Variants in GLRA3 observed in about 807,000 individuals in gnomAD.
The protein encoded by GLRA3 is glycine receptor subunit alpha-3.
In GLRA3, 44 loss-of-function variants were observed where a neutral mutation model predicts 60.4. That is an observed-to-expected ratio of 0.73 (90% CI 0.57 to 0.94). The LOEUF is 0.94. GLRA3 is among the 40% of genes least tolerant of loss of function. The probability of loss-of-function intolerance (pLI) is 0.00; values close to 1 mark genes in which losing one functional copy is unlikely to be tolerated. For synonymous variants in GLRA3, 223 were observed against 192.9 expected (o/e 1.16, Z -1.29); for missense variants, 508 against 564.6 (o/e 0.90, Z 1.02).
intron 4 of GLRA3, among the ~76,000 whole-genome samples, chr4:174,722,386 CT>C (rs1736163798): frequency 6.6e-6 from 1 of 152,192 alleles, no homozygotes; most frequent in South Asian, 2.1e-4. Flanking sequence ...TTATACTCCT[CT>C]TAGATCTCTT....
At chr4:174,779,658 T>C (rs1192278558) in intron 2 of GLRA3, among the ~76,000 whole-genome samples, 1 of 151,804 alleles carries the variant, frequency 6.6e-6, no homozygotes, top group African/African-American at 2.4e-5. Flanking sequence ...GAGAACTACA[T>C]GAAGAATGCA....
intron 3 of GLRA3, among the ~76,000 whole-genome samples, chr4:174,746,823 G>A (rs907498533): frequency 2.6e-5 from 4 of 152,110 alleles, no homozygotes; most frequent in African/African-American, 9.7e-5. Flanking sequence ...ATACTCACAT[G>A]TACCCAATAA....
chr4:174,658,241 C>G (rs550591591), intron 8 of GLRA3, among the ~76,000 whole-genome samples: 1 of 151,556 alleles, frequency 6.6e-6, no homozygotes, highest in South Asian at 2.1e-4. Context: ...CTTTAAAAGA[C>G]CATTTGCTTT....
chr4:174,811,396 C>T (rs1740268407), intron 1 of GLRA3, among the ~76,000 whole-genome samples: 1 of 152,038 alleles, frequency 6.6e-6, no homozygotes, highest in Non-Finnish European at 1.5e-5. Context: ...AGTAATTATT[C>T]AAAATCCAGG....
chr4:174,782,463 G>T (rs1350925028), intron 2 of GLRA3, among the ~76,000 whole-genome samples: 2 of 147,962 alleles, frequency 1.4e-5, no homozygotes, highest in Non-Finnish European at 3.0e-5. Flanking sequence ...GGAAGTTCTG[G>T]CCAGGGAAAT....
chr4:174,801,308 T>C (rs1739803689), intron 1 of GLRA3, among the ~76,000 whole-genome samples: 1 of 152,072 alleles, frequency 6.6e-6, no homozygotes, highest in South Asian at 2.1e-4. Flanking sequence ...CGTCCCTTGG[T>C]GATATTATCC....
intron 4 of GLRA3, among the ~76,000 whole-genome samples, chr4:174,723,526 G>T (rs1214989956): frequency 6.6e-6 from 1 of 151,944 alleles, no homozygotes; most frequent in African/African-American, 2.4e-5. Flanking sequence ...TGTAAGATAT[G>T]TTACATACAA....
intron 7 of GLRA3, among the ~76,000 whole-genome samples, chr4:174,663,995 A>T (rs1292793427): frequency 6.6e-6 from 1 of 152,162 alleles, no homozygotes; most frequent in Admixed American, 6.5e-5. Flanking sequence ...TTTACTAATG[A>T]GGTGCACTGG....
intron 3 of GLRA3, among the ~76,000 whole-genome samples, chr4:174,731,483 A>C (rs761997758): frequency 2.6e-5 from 4 of 152,200 alleles, no homozygotes; most frequent in Non-Finnish European, 5.9e-5. Flanking sequence ...CAAAAGGTTA[A>C]ATTACATCTC....
At chr4:174,749,235 A>G (rs1561093908) in intron 3 of GLRA3, among the ~76,000 whole-genome samples, 1 of 152,150 alleles carries the variant, frequency 6.6e-6, no homozygotes, top group Non-Finnish European at 1.5e-5. Context: ...TTTGCTTACA[A>G]GCCAAATCTG....
chr4:174,695,184 T>C (rs933784607), intron 5 of GLRA3, among the ~76,000 whole-genome samples: 1 of 152,032 alleles, frequency 6.6e-6, no homozygotes, highest in Admixed American at 6.5e-5. Context: ...GTACCATTTT[T>C]ACAGAAGCTA....
rs1363532881 is a variant in GLRA3 at position 174,790,536 on chromosome 4, A to G, written c.72-1593T>C. Among the ~76,000 whole-genome samples, 7 of 152,194 alleles carry G rather than the reference A, an allele frequency of 4.6e-5. No individual in the cohort carries two copies. The East Asian group carries it at 9.7e-4, about 21-fold the overall frequency. On this transcript the variant is annotated intron_variant, in intron 1 of 9. Transcript: ENST00000274093. ...AAGCATCGTTGGATTTTGTAGCTAC[A>G]TGCTGCTGCTTTTAAACCATTCTCT...
chr4:174,774,231 G>C (rs74642457), intron 2 of GLRA3, among the ~76,000 whole-genome samples: 1 of 152,158 alleles, frequency 6.6e-6, no homozygotes, highest in African/African-American at 2.4e-5. Flanking sequence ...GTTTCTTGCT[G>C]TTGGAAGAGG....
At chr4:174,736,620 G>T (rs893354471) in intron 3 of GLRA3, among the ~76,000 whole-genome samples, 35 of 152,048 alleles carry the variant, frequency 2.3e-4, no homozygotes, top group Admixed American at 2.0e-4. Context: ...TTTTTACAAG[G>T]TTTTATGGTA....
chr4:174,690,934 T>C (rs1016233595), intron 5 of GLRA3, among the ~76,000 whole-genome samples: 4 of 152,208 alleles, frequency 2.6e-5, no homozygotes, highest in African/African-American at 7.2e-5. Context: ...GGTATTTAGG[T>C]TGATTTCAAG....
At chr4:174,708,584 A>G (rs1312817614) in intron 5 of GLRA3, among the ~76,000 whole-genome samples, 2 of 150,088 alleles carry the variant, frequency 1.3e-5, no homozygotes, top group East Asian at 3.9e-4. Flanking sequence ...AATCTAAATA[A>G]TATTTTAACT....
At chr4:174,711,078 A>T (rs1735702206) in intron 5 of GLRA3, among the ~76,000 whole-genome samples, 1 of 152,022 alleles carries the variant, frequency 6.6e-6, no homozygotes, top group African/African-American at 2.4e-5. Flanking sequence ...ACAAGTGTAT[A>T]TTAATATATA....
At chr4:174,704,489 G>A (rs1005750138) in intron 5 of GLRA3, among the ~76,000 whole-genome samples, 1 of 143,764 alleles carries the variant, frequency 7.0e-6, no homozygotes, top group Non-Finnish European at 1.5e-5. Flanking sequence ...GAACTCTAGT[G>A]TACTGCTGGT....
intron 9 of GLRA3, among the ~76,000 whole-genome samples, chr4:174,645,420 CAA>C (rs201216075): frequency 1.4e-4 from 11 of 76,114 alleles, no homozygotes; most frequent in Non-Finnish European, 2.1e-4. Flanking sequence ...ACTCCGTCTC[CAA>C]AAAAAAAAAA....
Sources: allele counts gnomAD v4.1 joint callset (sites outside exome capture counted in the v4.1 genomes callset), GRCh38; gene constraint gnomAD v4.1.1; transcripts MANE v1.5; gene names NCBI Gene and HGNC (gene_info 2026-07-23, HGNC 2026-07-21).